The following NTNG2 variants were observed in gnomAD, a reference collection of about 807,000 sequenced individuals.
The protein encoded by NTNG2 is netrin G2.
NTNG2 carries 15 observed loss-of-function variants against 47.6 expected under a neutral mutation model. That is an observed-to-expected ratio of 0.32 (90% CI 0.21 to 0.49). The LOEUF (loss-of-function observed/expected upper bound fraction) is 0.49, where lower values mean the gene tolerates loss of function less well. Ranked by LOEUF, NTNG2 falls within the 20% of genes least tolerant of loss-of-function variation. The probability of loss-of-function intolerance (pLI) is 0.99; values close to 1 mark genes in which losing one functional copy is unlikely to be tolerated. For missense variants in NTNG2, 578 were observed against 764.6 expected, an observed-to-expected ratio of 0.76 and a Z score of 2.88; for synonymous variants, 307 against 324.6, an observed-to-expected ratio of 0.95 and a Z score of 0.58.
chr9:132,241,273 G>T (rs573994128), intron 7 of NTNG2, among the ~76,000 whole-genome samples: 5 of 151,650 alleles, frequency 3.3e-5, no homozygotes, highest in Admixed American at 2.6e-4. Flanking sequence ...AGTGAGAGCG[G>T]GGCAGGGTTG....
intron 3 of NTNG2, among the ~76,000 whole-genome samples, chr9:132,204,722 T>A (rs1301852270): frequency 2.4e-4 from 36 of 152,254 alleles, no homozygotes. Context: ...TTAAGTCCTA[T>A]CCTGTGAGGA....
rs1321345905 is a variant in NTNG2 at position 132,216,410 on chromosome 9, CTCTCTGTGTGTGTGTGTA to C, written c.858-10437_858-10420del. 2.6e-3 allele frequency among the ~76,000 whole-genome samples: 243 copies of C among 92,738 alleles called. 2 individuals carry two copies. The highest frequency in any genetic ancestry group is 0.013 in the African/African-American group (212 of 16,314). 60.8% of individuals were successfully genotyped at this position (92,738 alleles called of 152,430 possible). On this transcript the variant is annotated intron_variant, in intron 3 of 7. Transcript: ENST00000393229. ...TCTCTCTCTCTCTCTCTCTCTCTCT[CTCTCTGTGTGTGTGTGTA>C]TGTGTGTGTGTGTGTGTGTGTGTGT...
At position 132,226,884 on chromosome 9, in the gene NTNG2, T is replaced by C; in HGVS notation, c.893T>C (p.Met298Thr). The C allele has an allele frequency of 1.2e-6, 2 of 1,611,586 alleles. No individual in the cohort carries two copies. Among genetic ancestry groups the C allele is most frequent in the South Asian group, 1.1e-5 (1 of 90,648 alleles). Residue 298 changes from methionine (M) to threonine (T), a missense_variant, in exon 4 of 8, where the codon ATG (methionine) becomes ACG (threonine). By Grantham distance (81) the Met-to-Thr change is moderately conservative (BLOSUM62 -1). Coordinates refer to ENST00000393229, the MANE Select transcript of NTNG2 (RefSeq NM_032536.4). This position sits in a 1 kb window ranked among gnomAD's most constrained non-coding sequence, Gnocchi z 4.8. ...AACCTGCACGCCAACCTGTGCTCCA[T>C]GCGCGAGGGCAGCCTGCAGTGCGAG... ...KCNLHANLCSMREGSLQCECE... is the reference protein window; with the variant it reads ...KCNLHANLCSTREGSLQCECE...
intron 3 of NTNG2, among the ~76,000 whole-genome samples, chr9:132,202,738 T>G (rs1215720865): frequency 6.6e-6 from 1 of 152,130 alleles, no homozygotes; most frequent in Non-Finnish European, 1.5e-5. Context: ...ACCCAGCATC[T>G]CACAGGAGAA....
rs1254497825 is a variant in NTNG2 at position 132,163,034 on chromosome 9, G to A, written c.-484+795G>A. ...CCGGGTCGCCACAGGCGGCAGCGCC[G>A]GGGCAAAGGATACAGCCAGTTCCTG... On this transcript the variant is annotated intron_variant, in intron 1 of 7. Coordinates refer to ENST00000393229, the MANE Select transcript of NTNG2 (RefSeq NM_032536.4). This position sits in a 1 kb window ranked among gnomAD's most constrained non-coding sequence, Gnocchi z 7.2. Among the ~76,000 whole-genome samples, 1 of 152,188 alleles carries A rather than the reference G, an allele frequency of 6.6e-6. No homozygotes were observed. The highest frequency in any genetic ancestry group is 1.9e-4 in the East Asian group (1 of 5,180).
chr9:132,188,728 G>A (rs970634632), intron 2 of NTNG2, among the ~76,000 whole-genome samples: 17 of 152,170 alleles, frequency 1.1e-4, no homozygotes, highest in African/African-American at 1.9e-4. Context: ...TGGCACCACC[G>A]AGGCACTTGC....
intron 3 of NTNG2, among the ~76,000 whole-genome samples, chr9:132,222,996 C>T (rs1388436664): frequency 6.6e-6 from 1 of 152,120 alleles, no homozygotes. Context: ...CGACTGTGGT[C>T]CCAGCTACTC....
At position 132,218,180 on chromosome 9, in the gene NTNG2, C is replaced by T. The variant is rs899208697; in HGVS notation, c.858-8669C>T. 2.6e-5 allele frequency among the ~76,000 whole-genome samples: 4 copies of T among 152,256 alleles called. No homozygotes were observed. The highest frequency in any genetic ancestry group is 9.6e-5 in the African/African-American group (4 of 41,468). On this transcript the variant is annotated intron_variant, in intron 3 of 7. Transcript: ENST00000393229. The surrounding 1 kb of genome is among the most constrained non-coding windows in gnomAD (Gnocchi z 5.4). ...ATGGGGGCTCCCGGCTCCTGCCACA[C>T]AGGCCACCCGGGAGTGCAGACACTA...
intron 5 of NTNG2, 120 bp from the exon 6 acceptor site, chr9:132,238,983 CT>C: frequency 4.7e-6 from 5 of 1,053,838 alleles, no homozygotes; most frequent in Non-Finnish European, 7.3e-6. Context: ...CTTCCGGTAC[CT>C]TTTCCAAAGA....
At position 132,226,954 on chromosome 9, in the gene NTNG2, G is replaced by A; in HGVS notation, c.963G>A (p.Lys321=). ...GCCCCGACTGCGGCAAGTGCAAGAA[G>A]AATTTCCGCACCCGGTCCTGGCGGG... ...TTGPDCGKCK[K]NFRTRSWRAG... The change falls in exon 4 of 8, where the codon AAG becomes AAA. Residue 321 remains lysine (K), a synonymous_variant. Transcript: ENST00000393229. The surrounding 1 kb of genome is among the most constrained non-coding windows in gnomAD (Gnocchi z 4.8). 3.7e-6 allele frequency: 6 copies of A among 1,612,664 alleles called. No homozygotes were observed. In the South Asian group the frequency reaches 5.5e-5, roughly 15 times the overall value.
intron 3 of NTNG2, among the ~76,000 whole-genome samples, chr9:132,223,822 G>A (rs771801621): frequency 1.1e-4 from 16 of 152,188 alleles, no homozygotes; most frequent in African/African-American, 2.4e-4. Context: ...CAGCCACAGC[G>A]TTATAAAATA....
At position 132,215,173 on chromosome 9, in the gene NTNG2, C is replaced by A. The variant is rs7038719; in HGVS notation, c.858-11676C>A. On this transcript the variant is annotated intron_variant, in intron 3 of 7. Coordinates refer to ENST00000393229, the MANE Select transcript of NTNG2 (RefSeq NM_032536.4). The surrounding 1 kb of genome is among the most constrained non-coding windows in gnomAD (Gnocchi z 4.2). ...GGCCTCCCAGAGTGCCCAGATTACA[C>A]GCATGAGCCACTGCACCAGGCCTAA... Among the ~76,000 whole-genome samples the A allele has an allele frequency of 0.62, 93,767 of 151,820 alleles. 31,460 individuals carry two copies. The highest frequency in any genetic ancestry group is 0.9 in the African/African-American group (37,420 of 41,418).
At chr9:132,233,509 G>A (rs1425193348) in intron 5 of NTNG2, 2 of 152,210 alleles carry the variant, frequency 1.3e-5, no homozygotes, top group African/African-American at 4.8e-5. Flanking sequence ...GTGAGCAGAA[G>A]GCACACCCTC....
intron 4 of NTNG2, among the ~76,000 whole-genome samples, chr9:132,228,566 T>G (rs1840966810): frequency 6.6e-6 from 1 of 151,124 alleles, no homozygotes; most frequent in Non-Finnish European, 1.5e-5. Flanking sequence ...TCCTTTTTTT[T>G]TTTTCTTAAA....
intron 3 of NTNG2, 43 bp downstream of exon 3, chr9:132,198,652 T>TGCTATCTGTTACCTGGGAC (rs1378790402): frequency 1.3e-6 from 2 of 1,573,638 alleles, no homozygotes; most frequent in Admixed American, 3.5e-5. Context: ...CAACCTGGGA[T>TGCTATCTGTTACCTGGGAC]GCTATCTGTT....
chr9:132,230,541 C>T (rs1269222975), intron 4 of NTNG2, 31 bp from the exon 5 acceptor site: 1 of 1,592,052 alleles, frequency 6.3e-7, no homozygotes, highest in Non-Finnish European at 8.6e-7. Flanking sequence ...TCCCCTGGGG[C>T]AGCCAGCTCA....
In NTNG2 at chr9:132,166,473, G is replaced by A. The variant is rs1835510142; in HGVS notation, c.-359G>A. ...TCCAGCCTCATGCAGGATCCCTGCGGATTTTCTCCTTATCCCATTTCCATC... is the reference window on the plus strand; with the variant it reads ...TCCAGCCTCATGCAGGATCCCTGCGAATTTTCTCCTTATCCCATTTCCATC... On this transcript the variant is annotated 5_prime_UTR_variant, in exon 2 of 8. Coordinates refer to ENST00000393229, the MANE Select transcript of NTNG2 (RefSeq NM_032536.4). 2 of 318,250 alleles carry A rather than the reference G, an allele frequency of 6.3e-6. No individual in the cohort carries two copies. The highest frequency in any genetic ancestry group is 1.2e-5 in the Non-Finnish European group (2 of 164,198). 19.7% of individuals were successfully genotyped at this position (318,250 alleles called of 1,614,324 possible).
At chr9:132,200,184 A>G (rs942337933) in intron 3 of NTNG2, among the ~76,000 whole-genome samples, 2 of 152,214 alleles carry the variant, frequency 1.3e-5, no homozygotes, top group Admixed American at 1.3e-4. Context: ...ATTGGACAAA[A>G]TAATGGAGTG....
intron 5 of NTNG2, among the ~76,000 whole-genome samples, chr9:132,237,103 G>A (rs1226888219): frequency 6.6e-6 from 1 of 152,170 alleles, no homozygotes; most frequent in Non-Finnish European, 1.5e-5. Context: ...GGGGTGTCAG[G>A]GGTTACAGAA....
Sources: gnomAD v4.1 joint callset for allele counts (sites outside exome capture counted in the v4.1 genomes callset) on GRCh38, gnomAD v4.1.1 for gene constraint, Gnocchi (gnomAD v3.1) non-coding constraint, MANE v1.5 for transcripts, NCBI Gene and HGNC (gene_info 2026-07-23, HGNC 2026-07-21) for gene names.